COL6A6: variants seen among roughly 807,000 people sequenced by gnomAD.
COL6A6 encodes collagen alpha-6(VI) chain.
In COL6A6, 183 loss-of-function variants were observed where a neutral mutation model predicts 208.6. The ratio of observed to expected loss-of-function variants is 0.88; its 90% CI spans 0.78 to 0.99. The LOEUF is 0.99. Ranked by LOEUF, COL6A6 falls within the 50% of genes least tolerant of loss-of-function variation. The pLI, the probability that COL6A6 is intolerant of heterozygous loss-of-function variation, is 0.00. For synonymous variants in COL6A6, 973 were observed against 1,011.8 expected (o/e 0.96, Z 0.73); for missense variants, 2,816 against 2,815.2 (o/e 1.00, Z -0.01).
At chr3:130,619,275 C>T (rs541960313) in intron 23 of COL6A6, among the ~76,000 whole-genome samples, 1 of 152,082 alleles carries the variant, frequency 6.6e-6, no homozygotes, top group Non-Finnish European at 1.5e-5. Context: ...TTTGAGTATT[C>T]TTCCTGAAAC....
intron 34 of COL6A6, among the ~76,000 whole-genome samples, chr3:130,659,646 AG>A (rs1415648314): frequency 6.6e-6 from 1 of 152,232 alleles, no homozygotes; most frequent in East Asian, 1.9e-4. Context: ...TAATTTGCTC[AG>A]GGCTTCACAG....
At chr3:130,636,856 C>T (rs2065145054) in intron 28 of COL6A6, among the ~76,000 whole-genome samples, 1 of 5,058 alleles carries the variant, frequency 2.0e-4, no homozygotes, top group Non-Finnish European at 2.8e-4. Context: ...TCCTCCCCCC[C>T]TCCCCTTCCT....
intron 1 of COL6A6, among the ~76,000 whole-genome samples, chr3:130,558,782 T>C (rs376960080): frequency 1.3e-5 from 2 of 152,054 alleles, no homozygotes; most frequent in East Asian, 1.9e-4. Context: ...TAAGCAAAAA[T>C]AAAAAGGTAT....
intron 8 of COL6A6, among the ~76,000 whole-genome samples, chr3:130,577,183 G>A (rs1219373114): frequency 6.6e-6 from 1 of 152,104 alleles, no homozygotes; most frequent in African/African-American, 2.4e-5. Context: ...ATCTTACATG[G>A]TTGGTGTTTT....
intron 36 of COL6A6, among the ~76,000 whole-genome samples, chr3:130,673,010 C>CA (rs57517362): frequency 0.039 from 3,728 of 96,270 alleles, 118 homozygotes; most frequent in Non-Finnish European, 0.053. Flanking sequence ...GACACCATCT[C>CA]AAAAAAAAAA....
chr3:130,595,441 C>A (rs1198959723), intron 18 of COL6A6, among the ~76,000 whole-genome samples: 3 of 152,200 alleles, frequency 2.0e-5, no homozygotes, highest in African/African-American at 7.2e-5. Flanking sequence ...ACATTACCAG[C>A]ATCTCAGAAG....
At position 130,545,774 on chromosome 3, in the gene COL6A6, T is replaced by G. The variant is rs116008296; in HGVS notation, c.-31-14560T>G. On this transcript the variant is annotated intron_variant, in intron 1 of 36. Transcript: ENST00000358511. ...GCCCGGACAGGCTTTTTTCTTTATC[T>G]CTGATTGTCTATGGTTTGAAAGTGT... Among the ~76,000 whole-genome samples, 1,403 of 152,246 alleles carry G rather than the reference T, an allele frequency of 9.2e-3. 24 individuals are homozygous for G. The highest frequency in any genetic ancestry group is 0.031 in the African/African-American group (1,273 of 41,548).
In COL6A6 at chr3:130,627,358, A is replaced by C. The variant is rs1341197131; in HGVS notation, c.4981A>C (p.Lys1661Gln). 3 of 1,613,632 alleles carry C rather than the reference A, an allele frequency of 1.9e-6. No homozygotes were observed. The highest frequency in any genetic ancestry group is 2.2e-5 in the East Asian group (1 of 44,894). ...TCCAGGTTATGGTAGTGTCGGACGC[A>C]AGGGAGCAAAGGTAAGTCAAGTCTG... ...GSPGYGSVGR[K>Q]GAKGQEGFPG... Residue 1661 changes from lysine to glutamine, a missense_variant, in exon 26 of 37, where the codon AAG becomes CAG. Coordinates refer to ENST00000358511, the MANE Select transcript of COL6A6 (RefSeq NM_001102608.3).
chr3:130,642,681 G>A, intron 29 of COL6A6, 151 bp from the exon 30 acceptor site: 1 of 624,506 alleles, frequency 1.6e-6, no homozygotes. Context: ...ATTAGGTAAT[G>A]AGTACCTACC....
rs745698681 is a variant in COL6A6 at position 130,571,261 on chromosome 3, G to A, written c.2845G>A (p.Asp949Asn). The change falls in exon 7 of 37, where the codon GAT becomes AAT. Residue 949 changes from aspartate (D) to asparagine (N), a missense_variant. Asp to Asn is a conservative substitution (Grantham distance 23). Transcript: ENST00000358511. The part of the protein sequence containing the change: ...KGILVLAVGI[D>N]GANPVELLAM... ...CATTCTTGTCCTGGCTGTGGGGATT[G>A]ATGGTGCCAATCCCGTGGAGCTGTT... is the stretch of plus-strand genomic sequence containing the variant. 4 of 1,614,070 alleles carry A rather than the reference G, an allele frequency of 2.5e-6. No homozygotes were observed. The highest frequency in any genetic ancestry group is 2.2e-5 in the East Asian group (1 of 44,884).
At chr3:130,647,322 C>G (rs1382647650) in intron 32 of COL6A6, among the ~76,000 whole-genome samples, 1 of 152,092 alleles carries the variant, frequency 6.6e-6, no homozygotes, top group African/African-American at 2.4e-5. Flanking sequence ...ATATCTTCAG[C>G]CAGTGCTGTG....
rs2065567380 is a variant in COL6A6, at chr3:130,649,468, C to T, written c.5639C>T (p.Ser1880Phe). 3.1e-6 allele frequency: 5 copies of T among 1,611,574 alleles called. No homozygotes were observed. Among genetic ancestry groups the T allele is most frequent in the South Asian group, 1.1e-5 (1 of 90,414 alleles). ...AGCGGTCAGTCCGCGGATGCCCACTCCATCACCACGGCTGCCATGGAGTTC... is the reference window on the plus strand; with the variant it reads ...AGCGGTCAGTCCGCGGATGCCCACTTCATCACCACGGCTGCCATGGAGTTC... Reference protein sequence around the residue: ...FSSGQSADAHSITTAAMEFGA... With the variant: ...FSSGQSADAHFITTAAMEFGA... The change falls in exon 33 of 37, where the codon TCC becomes TTC. Residue 1880 changes from serine to phenylalanine, a missense_variant. Physicochemically the swap from Ser to Phe is radical, Grantham distance 155 (BLOSUM62 -2). Coordinates refer to ENST00000358511, the MANE Select transcript of COL6A6 (RefSeq NM_001102608.3).
chr3:130,645,102 A>T, intron 32 of COL6A6, 100 bp downstream of exon 32: 1 of 1,139,638 alleles, frequency 8.8e-7, no homozygotes, highest in East Asian at 2.4e-5. Flanking sequence ...AAATGACACA[A>T]ATTTTATCTG....
intron 1 of COL6A6, among the ~76,000 whole-genome samples, chr3:130,529,674 G>T (rs1272481337): frequency 6.6e-6 from 1 of 152,056 alleles, no homozygotes; most frequent in Non-Finnish European, 1.5e-5. Context: ...TTTTTCTGAG[G>T]TATCTTTCCT....
At chr3:130,614,345 C>A (rs745676519) in intron 23 of COL6A6, among the ~76,000 whole-genome samples, 2 of 152,158 alleles carry the variant, frequency 1.3e-5, no homozygotes, top group Non-Finnish European at 2.9e-5. Flanking sequence ...AACCTTGCAT[C>A]CCAGAGATAA....
chr3:130,547,160 G>A (rs956632490), intron 1 of COL6A6, among the ~76,000 whole-genome samples: 13 of 152,264 alleles, frequency 8.5e-5, no homozygotes, highest in South Asian at 2.1e-4. Context: ...AGCCGACTGC[G>A]GAGGGGCTCG....
At chr3:130,634,561 G>A in intron 26 of COL6A6, 29 bp from the exon 27 acceptor site, 5 of 1,589,560 alleles carry the variant, frequency 3.1e-6, no homozygotes, top group Non-Finnish European at 4.3e-6. Context: ...ATGTGTGCCT[G>A]TATAAATCTT....
At chr3:130,617,346 T>G (rs191440849) in intron 23 of COL6A6, among the ~76,000 whole-genome samples, 1 of 152,160 alleles carries the variant, frequency 6.6e-6, no homozygotes, top group Admixed American at 6.5e-5. Context: ...TTATACTCAA[T>G]GTAGAGTGAT....
chr3:130,626,404 T>G, intron 24 of COL6A6, 81 bp from the exon 25 acceptor site: 1 of 994,922 alleles, frequency 1.0e-6, no homozygotes, highest in Non-Finnish European at 1.6e-6. Flanking sequence ...AACCCATTGT[T>G]GTGTGTGATC....
Sources: gnomAD v4.1 joint callset for allele counts (sites outside exome capture counted in the v4.1 genomes callset) on GRCh38, gnomAD v4.1.1 for gene constraint, MANE v1.5 for transcripts, NCBI Gene and HGNC (gene_info 2026-07-23, HGNC 2026-07-21) for gene names.